Variants in LRRTM4 observed in about 807,000 individuals in gnomAD.
The protein encoded by LRRTM4 is leucine rich repeat transmembrane neuronal 4, also known as leucine-rich repeat transmembrane neuronal protein 4.
Under a neutral mutation model 47.6 loss-of-function variants are expected in LRRTM4, and 25 were observed. The ratio of observed to expected loss-of-function variants is 0.53; its 90% CI spans 0.38 to 0.73. The LOEUF (loss-of-function observed/expected upper bound fraction) is 0.73. Ranked by LOEUF, LRRTM4 falls within the 30% of genes least tolerant of loss-of-function variation. The pLI, the probability that LRRTM4 is intolerant of heterozygous loss-of-function variation, is 0.00. For missense variants in LRRTM4, 638 were observed against 713.4 expected, an observed-to-expected ratio of 0.89 and a Z score of 1.20; for synonymous variants, 311 against 269.5, an observed-to-expected ratio of 1.15 and a Z score of -1.51.
intron 3 of LRRTM4, among the ~76,000 whole-genome samples, chr2:77,057,679 C>A (rs1392520380): frequency 6.6e-6 from 1 of 152,134 alleles, no homozygotes. Context: ...GTGCCCTTCC[C>A]CTACTCCATT....
intron 3 of LRRTM4, among the ~76,000 whole-genome samples, chr2:77,057,565 G>C (rs527631781): frequency 6.6e-6 from 1 of 152,124 alleles, no homozygotes; most frequent in African/African-American, 2.4e-5. Flanking sequence ...TTTTAGTATG[G>C]CTCTTTTGAT....
At chr2:77,398,822 A>G (rs549521073) in intron 3 of LRRTM4, among the ~76,000 whole-genome samples, 1 of 151,876 alleles carries the variant, frequency 6.6e-6, no homozygotes, top group East Asian at 2.0e-4. Context: ...TGAGCTAAGG[A>G]ATCTAGAAGT....
At chr2:77,395,939 A>G (rs1304597640) in intron 3 of LRRTM4, among the ~76,000 whole-genome samples, 2 of 151,954 alleles carry the variant, frequency 1.3e-5, no homozygotes, top group Non-Finnish European at 2.9e-5. Flanking sequence ...AAATAATTAC[A>G]TGAAAATGAA....
intron 3 of LRRTM4, among the ~76,000 whole-genome samples, chr2:76,858,050 A>C (rs1005132926): frequency 7.2e-5 from 11 of 152,150 alleles, no homozygotes; most frequent in Admixed American, 7.2e-4. Flanking sequence ...AAATAACATC[A>C]TATTTGCAAG....
At chr2:76,957,871 G>A (rs192278124) in intron 3 of LRRTM4, among the ~76,000 whole-genome samples, 6 of 151,644 alleles carry the variant, frequency 4.0e-5, no homozygotes, top group Admixed American at 6.6e-5. Flanking sequence ...CTGCCAGATA[G>A]ACTAGCTTTC....
chr2:76,822,434 TTG>T (rs1448038287), intron 3 of LRRTM4, among the ~76,000 whole-genome samples: 3 of 151,520 alleles, frequency 2.0e-5, no homozygotes, highest in Admixed American at 6.6e-5. Context: ...AAGAAAAAAT[TTG>T]TGTTTCCTAA....
chr2:77,036,560 C>T (rs1678844382), intron 3 of LRRTM4, among the ~76,000 whole-genome samples: 1 of 151,716 alleles, frequency 6.6e-6, no homozygotes, highest in South Asian at 2.1e-4. Flanking sequence ...TACTTCTTGA[C>T]ATTCTCTAAA....
rs531532757 is a variant in LRRTM4 at position 77,161,672 on chromosome 2, C to T, written c.1551+356646G>A. On this transcript the variant is annotated intron_variant, in intron 3 of 3. Transcript: ENST00000409884. ...AAAAACATCCACATATAAGTGGATA[C>T]GTGCAGTTCAAACCCATGTTGTTCA... 1.3e-4 allele frequency among the ~76,000 whole-genome samples: 20 copies of T among 152,102 alleles called. No individual in the cohort carries two copies. In the East Asian group the frequency reaches 2.5e-3, roughly 19 times the overall value.
intron 3 of LRRTM4, among the ~76,000 whole-genome samples, chr2:77,409,865 TG>T (rs906365802): frequency 1.3e-5 from 2 of 152,168 alleles, no homozygotes; most frequent in African/African-American, 2.4e-5. Flanking sequence ...TCTCCTGTGG[TG>T]GCAGTTCTGC....
intron 3 of LRRTM4, among the ~76,000 whole-genome samples, chr2:76,963,720 T>G (rs1010456073): frequency 6.6e-6 from 1 of 150,908 alleles, no homozygotes. Flanking sequence ...TACAGGGACA[T>G]TCTCATGAAT....
chr2:77,054,695 T>C (rs1331435964), intron 3 of LRRTM4, among the ~76,000 whole-genome samples: 4 of 152,204 alleles, frequency 2.6e-5, no homozygotes, highest in Admixed American at 2.6e-4. Flanking sequence ...AAGAGCTACC[T>C]GCTTAGTTTC....
chr2:76,958,268 A>G (rs2103905038), intron 3 of LRRTM4, among the ~76,000 whole-genome samples: 1 of 151,908 alleles, frequency 6.6e-6, no homozygotes, highest in Non-Finnish European at 1.5e-5. Flanking sequence ...CAGAATATGA[A>G]CAATAAAAAA....
chr2:77,149,251 A>T (rs979922452), intron 3 of LRRTM4, among the ~76,000 whole-genome samples: 1 of 152,180 alleles, frequency 6.6e-6, no homozygotes, highest in African/African-American at 2.4e-5. Context: ...TACCAATTGC[A>T]TACTAAAATA....
chr2:76,971,932 A>C (rs1436197386), intron 3 of LRRTM4, among the ~76,000 whole-genome samples: 1 of 152,088 alleles, frequency 6.6e-6, no homozygotes, highest in Non-Finnish European at 1.5e-5. Context: ...ACTGTTGATC[A>C]TGGTGACAGT....
At chr2:77,444,119 C>T (rs898143741) in intron 3 of LRRTM4, among the ~76,000 whole-genome samples, 1 of 152,060 alleles carries the variant, frequency 6.6e-6, no homozygotes, top group African/African-American at 2.4e-5. Context: ...TAGCAAAATT[C>T]AGGAATTCTT....
chr2:77,016,756 C>T (rs984917001), intron 3 of LRRTM4, among the ~76,000 whole-genome samples: 2 of 152,146 alleles, frequency 1.3e-5, no homozygotes, highest in African/African-American at 4.8e-5. Flanking sequence ...TAGAATTACA[C>T]TTTCTATTTC....
At chr2:77,090,761 T>TA (rs760282814) in intron 3 of LRRTM4, among the ~76,000 whole-genome samples, 3 of 152,128 alleles carry the variant, frequency 2.0e-5, no homozygotes, top group Non-Finnish European at 4.4e-5. Context: ...CTGTTCAACT[T>TA]ACCTGGCAGC....
At chr2:77,469,057 G>A (rs902100215) in intron 3 of LRRTM4, among the ~76,000 whole-genome samples, 1 of 152,186 alleles carries the variant, frequency 6.6e-6, no homozygotes, top group South Asian at 2.1e-4. Context: ...CAAGGAGTAC[G>A]GAAACTGTCC....
intron 3 of LRRTM4, among the ~76,000 whole-genome samples, chr2:77,109,234 A>G (rs1302241109): frequency 6.6e-6 from 1 of 152,210 alleles, no homozygotes; most frequent in Non-Finnish European, 1.5e-5. Context: ...TTCAGGAATA[A>G]TGTCTTAGAA....
Sources: allele counts gnomAD v4.1 joint callset (sites outside exome capture counted in the v4.1 genomes callset), GRCh38; gene constraint gnomAD v4.1.1; transcripts MANE v1.5; gene names NCBI Gene and HGNC (gene_info 2026-07-23, HGNC 2026-07-21).